Variants in SCMH1 observed in about 807,000 individuals in gnomAD.
The protein encoded by SCMH1 is polycomb protein SCMH1.
In SCMH1, 37 loss-of-function variants were observed where a neutral mutation model predicts 70.8. The observed-to-expected ratio is 0.52, with a 90% CI of 0.40 to 0.69. The LOEUF is 0.69. Among genes scored for constraint, SCMH1 ranks in the 30% least tolerant of loss-of-function variants. SCMH1 has a pLI of 0.00. For synonymous variants in SCMH1, 292 were observed against 307.4 expected, an observed-to-expected ratio of 0.95 and a Z score of 0.52; for missense variants, 607 against 827.3, an observed-to-expected ratio of 0.73 and a Z score of 3.27.
intron 7 of SCMH1, among the ~76,000 whole-genome samples, chr1:41,115,124 C>A (rs2147877985): frequency 6.6e-6 from 1 of 152,220 alleles, no homozygotes; most frequent in African/African-American, 2.4e-5. Flanking sequence ...ATTTTCAAAT[C>A]ATTTAAATTT....
chr1:41,135,736 A>G (rs918028024), intron 6 of SCMH1, among the ~76,000 whole-genome samples: 2 of 152,152 alleles, frequency 1.3e-5, no homozygotes, highest in African/African-American at 4.8e-5. Flanking sequence ...GTGCTTACTC[A>G]CTTGCTGTAT....
intron 2 of SCMH1, among the ~76,000 whole-genome samples, chr1:41,180,001 A>C (rs1053154138): frequency 3.3e-5 from 5 of 152,218 alleles, no homozygotes; most frequent in Non-Finnish European, 7.3e-5. Flanking sequence ...CAGCACATCA[A>C]AAAGCTTATC....
At chr1:41,223,092 G>A (rs568055792) in intron 1 of SCMH1, among the ~76,000 whole-genome samples, 3 of 152,134 alleles carry the variant, frequency 2.0e-5, no homozygotes, top group African/African-American at 4.8e-5. Flanking sequence ...AATCCCTGTC[G>A]GATAAAATTG....
intron 1 of SCMH1, among the ~76,000 whole-genome samples, chr1:41,195,207 T>C (rs1652744640): frequency 2.0e-5 from 3 of 149,972 alleles, no homozygotes; most frequent in Admixed American, 2.0e-4. Context: ...TGGCCTCTAT[T>C]GAAACATGAA....
intron 1 of SCMH1, among the ~76,000 whole-genome samples, chr1:41,212,062 T>C (rs1389070623): frequency 6.6e-6 from 1 of 152,168 alleles, no homozygotes; most frequent in African/African-American, 2.4e-5. Context: ...AAATACCTAA[T>C]GTAAATGAGT....
intron 4 of SCMH1, among the ~76,000 whole-genome samples, chr1:41,160,552 G>A (rs1645927705): frequency 6.6e-6 from 1 of 152,100 alleles, no homozygotes; most frequent in Admixed American, 6.6e-5. Flanking sequence ...TGGATGGCAG[G>A]GGTTTGTTTT....
At chr1:41,234,226 G>A (rs1323448755) in intron 1 of SCMH1, among the ~76,000 whole-genome samples, 6 of 152,078 alleles carry the variant, frequency 3.9e-5, no homozygotes, top group East Asian at 3.9e-4. Context: ...CTTCAGACTA[G>A]GAGTTTGACA....
chr1:41,187,476 AC>A (rs1350599870), intron 1 of SCMH1, among the ~76,000 whole-genome samples: 4 of 138,384 alleles, frequency 2.9e-5, no homozygotes, highest in Non-Finnish European at 3.2e-5. Flanking sequence ...AAAAAAAAAA[AC>A]CCCAAAAAAC....
At chr1:41,229,497 A>G (rs1660899045) in intron 1 of SCMH1, among the ~76,000 whole-genome samples, 1 of 152,172 alleles carries the variant, frequency 6.6e-6, no homozygotes, top group Non-Finnish European at 1.5e-5. Flanking sequence ...AGGACAGAAA[A>G]CCAAACACTG....
chr1:41,116,044 C>T (rs1249599643), intron 7 of SCMH1, among the ~76,000 whole-genome samples: 1 of 152,026 alleles, frequency 6.6e-6, no homozygotes, highest in African/African-American at 2.4e-5. Context: ...GTTCTTTTTT[C>T]TCCTTTTCAA....
At chr1:41,129,704 A>G (rs572283123) in intron 6 of SCMH1, among the ~76,000 whole-genome samples, 12 of 152,308 alleles carry the variant, frequency 7.9e-5, no homozygotes, top group Non-Finnish European at 1.3e-4. Context: ...AAACACGGGT[A>G]TTCAAATATC....
In SCMH1 at chr1:41,037,321, A is replaced by C. The variant is rs757757328; in HGVS notation, c.1678+41T>G. On this transcript the variant is annotated intron_variant, in intron 13 of 14. Coordinates refer to ENST00000337495, the Ensembl canonical transcript of SCMH1. Reference sequence around the variant, plus strand: ...AGCTCAGGAAGGAAGTGAAGGAAAGAGTGAGGGAGGGAAGGAGGGCCAGGA... The same window carrying C: ...AGCTCAGGAAGGAAGTGAAGGAAAGCGTGAGGGAGGGAAGGAGGGCCAGGA... The C allele has an allele frequency of 1.9e-6, 3 of 1,589,884 alleles. No homozygotes were observed. In the South Asian group the frequency reaches 3.4e-5, roughly 18 times the overall value.
intron 9 of SCMH1, among the ~76,000 whole-genome samples, chr1:41,074,901 C>T (rs867781357): frequency 6.6e-6 from 1 of 152,220 alleles, no homozygotes; most frequent in Non-Finnish European, 1.5e-5. Context: ...CTCGCTCTGT[C>T]ACCCAGGCTG....
intron 1 of SCMH1, among the ~76,000 whole-genome samples, chr1:41,223,745 G>A (rs1334658307): frequency 6.6e-6 from 1 of 152,072 alleles, no homozygotes; most frequent in Non-Finnish European, 1.5e-5. Context: ...ATTAATTCCT[G>A]CCTTGCCAAC....
intron 8 of SCMH1, among the ~76,000 whole-genome samples, chr1:41,087,163 T>C (rs911907831): frequency 2.6e-5 from 4 of 152,094 alleles, no homozygotes; most frequent in Non-Finnish European, 5.9e-5. Context: ...AGTGGAACAA[T>C]GGATGGCCAC....
intron 6 of SCMH1, among the ~76,000 whole-genome samples, chr1:41,120,414 A>G (rs1438560131): frequency 6.6e-6 from 1 of 152,210 alleles, no homozygotes; most frequent in Non-Finnish European, 1.5e-5. Flanking sequence ...ATAAAAAATG[A>G]AAACTCAGAG....
At chr1:41,055,600 G>C (rs1649966099) in intron 10 of SCMH1, among the ~76,000 whole-genome samples, 1 of 152,204 alleles carries the variant, frequency 6.6e-6, no homozygotes, top group Non-Finnish European at 1.5e-5. Context: ...CCAAAGTGCT[G>C]CGATTACAGG....
rs1489176764 is a variant in SCMH1 at position 41,034,280 on chromosome 1, T to C, written c.1678+3082A>G. Among the ~76,000 whole-genome samples the C allele has an allele frequency of 2.0e-5, 3 of 151,734 alleles. No homozygotes were observed. The East Asian group carries it at 5.8e-4, about 30-fold the overall frequency. On this transcript the variant is annotated intron_variant, in intron 13 of 14. Coordinates refer to ENST00000337495, the Ensembl canonical transcript of SCMH1. Reference sequence around the variant, plus strand: ...GGCACCACAGGCTTCTTCCCATGATTCAGCCTTCCTGAAAGCTCTCTCCGC... The same window carrying C: ...GGCACCACAGGCTTCTTCCCATGATCCAGCCTTCCTGAAAGCTCTCTCCGC...
chr1:41,090,961 C>A lies in SCMH1; in HGVS notation c.746-15510G>T, dbSNP rs1216748009. ...GGCTGAGGCAGGAGAATGGTGTGAA[C>A]CTGGGAGGCGGAGCTTGCTGTGAGC... On this transcript the variant is annotated intron_variant, in intron 8 of 14. Transcript: ENST00000337495. 5.3e-5 allele frequency among the ~76,000 whole-genome samples: 8 copies of A among 150,582 alleles called. No individual in the cohort carries two copies. In the East Asian group the frequency reaches 1.6e-3, roughly 30 times the overall value.
Sources: gnomAD v4.1 joint callset for allele counts (sites outside exome capture counted in the v4.1 genomes callset) on GRCh38, gnomAD v4.1.1 for gene constraint, MANE v1.5 for transcripts, NCBI Gene and HGNC (gene_info 2026-07-23, HGNC 2026-07-21) for gene names.